Variants in RNF17 observed in about 807,000 individuals in gnomAD.
RNF17 encodes ring finger protein 17, also known as spermatogenesis associated 23.
RNF17 carries 31 observed loss-of-function variants against 200.5 expected under a neutral mutation model. That is an observed-to-expected ratio of 0.15 (90% CI 0.12 to 0.21). The LOEUF (loss-of-function observed/expected upper bound fraction) is 0.21. Among genes scored for constraint, RNF17 ranks in the 10% least tolerant of loss-of-function variants. The pLI, the probability that RNF17 is intolerant of heterozygous loss-of-function variation, is 1.00. For synonymous variants in RNF17, 606 were observed against 637.8 expected (o/e 0.95, Z 0.75); for missense variants, 1,628 against 1,905.1 (o/e 0.85, Z 2.71).
chr13:24,827,657 C>CAG (rs1888840578), intron 16 of RNF17, among the ~76,000 whole-genome samples: 1 of 133,980 alleles, frequency 7.5e-6, no homozygotes, highest in African/African-American at 2.9e-5. Context: ...AGCCGAGATC[C>CAG]CGCCACTGCA....
intron 9 of RNF17, among the ~76,000 whole-genome samples, chr13:24,792,142 C>G (rs1011053203): frequency 6.6e-6 from 1 of 152,180 alleles, no homozygotes; most frequent in African/African-American, 2.4e-5. Flanking sequence ...ATTTTCACAA[C>G]TTGAATATGG....
chr13:24,874,583 T>G (rs1468127034), intron 33 of RNF17, among the ~76,000 whole-genome samples: 9 of 152,076 alleles, frequency 5.9e-5, no homozygotes, highest in Non-Finnish European at 7.4e-5. Context: ...TAATTTTTTT[T>G]GTATTTTTAG....
At chr13:24,779,577 T>C (rs1399973797) in intron 4 of RNF17, 90 bp from the exon 5 acceptor site, 8 of 944,228 alleles carry the variant, frequency 8.5e-6, no homozygotes, top group Non-Finnish European at 1.3e-5. Context: ...ACCAAAACGG[T>C]AGCCTGAATT....
At chr13:24,767,875 G>A (rs914985698) in intron 2 of RNF17, among the ~76,000 whole-genome samples, 3 of 152,018 alleles carry the variant, frequency 2.0e-5, no homozygotes, top group African/African-American at 7.2e-5. Flanking sequence ...AAAATAAAAG[G>A]CGCTAAAGTC....
At chr13:24,784,429 T>A (rs1019802639) in intron 6 of RNF17, among the ~76,000 whole-genome samples, 1 of 152,218 alleles carries the variant, frequency 6.6e-6, no homozygotes, top group Non-Finnish European at 1.5e-5. Context: ...GTGTTGATTA[T>A]TACATGTTTG....
At chr13:24,759,035 G>A in the RNF17 span, among the ~76,000 whole-genome samples, 105 of 141,766 alleles carry the variant, frequency 7.4e-4, no homozygotes, top group Non-Finnish European at 1.2e-3. Context: ...AACTGAGATC[G>A]TGCCACTGCA....
intron 12 of RNF17, among the ~76,000 whole-genome samples, chr13:24,800,004 A>G (rs1367329534): frequency 1.3e-5 from 2 of 152,188 alleles, no homozygotes; most frequent in Non-Finnish European, 2.9e-5. Flanking sequence ...GGAAAATAAT[A>G]CAAACTGATA....
chr13:24,840,425 G>A (rs889843738), intron 18 of RNF17, among the ~76,000 whole-genome samples: 1 of 152,118 alleles, frequency 6.6e-6, no homozygotes, highest in African/African-American at 2.4e-5. Flanking sequence ...ACTTGCACAC[G>A]CATGTTTATA....
At chr13:24,839,718 T>C (rs1421699845) in intron 18 of RNF17, among the ~76,000 whole-genome samples, 2 of 152,204 alleles carry the variant, frequency 1.3e-5, no homozygotes, top group African/African-American at 2.4e-5. Flanking sequence ...TCTTACCTTA[T>C]ACAAAAATCA....
the RNF17 span, among the ~76,000 whole-genome samples, chr13:24,750,262 TTTTG>T: frequency 6.6e-6 from 1 of 152,210 alleles, no homozygotes; most frequent in South Asian, 2.1e-4. Context: ...TAACATTCCT[TTTTG>T]TTTGTTTGGT....
chr13:24,851,567 A>G lies in RNF17; in HGVS notation c.3316A>G (p.Arg1106Gly). ...LIKKGLALRERRINNLDNSHS... is the reference protein window; with the variant it reads ...LIKKGLALREGRINNLDNSHS... ...TAAAAAGGGTTTGGCTTTGAGAGAA[A>G]GGAGGTATAGACTTTTTTAAAAAAT... The change falls in exon 24 of 36, where the codon AGG becomes GGG. Residue 1106 changes from arginine to glycine, a missense_variant. By Grantham distance (125) the Arg-to-Gly change is moderately radical. Around this residue, in one of 5 missense-constraint regions of RNF17, gnomAD observed 609 missense variants for 681.9 expected, o/e 0.89. Transcript: ENST00000255324. The G allele has an allele frequency of 6.2e-7, 1 of 1,603,642 alleles. No individual in the cohort carries two copies. The highest frequency in any genetic ancestry group is 8.5e-7 in the Non-Finnish European group (1 of 1,174,654).
At chr13:24,872,987 C>A (rs1894459261) in intron 32 of RNF17, among the ~76,000 whole-genome samples, 1 of 151,996 alleles carries the variant, frequency 6.6e-6, no homozygotes, top group Non-Finnish European at 1.5e-5. Context: ...ACTGAAGAAG[C>A]CTGTACATTG....
chr13:24,886,184 T>A, the RNF17 span: 1 of 574,424 alleles, frequency 1.7e-6, no homozygotes, highest in Non-Finnish European at 3.0e-6. Context: ...TACACTGAAG[T>A]GCCAGTATTT....
At chr13:24,857,849 G>A (rs532984535) in intron 25 of RNF17, among the ~76,000 whole-genome samples, 42 of 152,270 alleles carry the variant, frequency 2.8e-4, no homozygotes, top group African/African-American at 9.6e-4. Flanking sequence ...AGTGAGCTGC[G>A]TTCATGCCAC....
At chr13:24,763,574 CGGAAGTTACTG>C (rs903214408), upstream of RNF17, among the ~76,000 whole-genome samples, 3 of 151,910 alleles carry the variant, frequency 2.0e-5, no homozygotes, top group African/African-American at 7.3e-5. Context: ...CTTATTTTGG[CGGAAGTTACTG>C]GGTTTTTTTA....
Position 24,800,400 on chromosome 13 carries a change from G to A in RNF17, c.1624G>A (p.Ala542Thr), listed in dbSNP as rs34134354. 6.2e-7 allele frequency: 1 copy of A among 1,610,806 alleles called. No individual in the cohort carries two copies. The highest frequency in any genetic ancestry group is 8.5e-7 in the Non-Finnish European group (1 of 1,177,996). ...VDTHVRPEHS[A>T]KQHIALNDLC... is the part of the protein sequence containing the mutation. Reference sequence around the variant, plus strand: ...TACCCATGTGAGACCAGAACACTCTGCTAAGCAACATATTGCACTAAATGA... The same window carrying A: ...TACCCATGTGAGACCAGAACACTCTACTAAGCAACATATTGCACTAAATGA... Residue 542 changes from alanine (A) to threonine (T), a missense_variant, in exon 13 of 36, where the codon GCT (alanine) becomes ACT (threonine). Transcript: ENST00000255324.
intron 8 of RNF17, 117 bp from the exon 9 acceptor site, chr13:24,789,581 A>G (rs1272393447): frequency 1.1e-6 from 1 of 920,348 alleles, no homozygotes; most frequent in East Asian, 2.4e-5. Context: ...GTGCTAACTT[A>G]GAAAGTTATT....
intron 25 of RNF17, among the ~76,000 whole-genome samples, chr13:24,858,094 A>G (rs2863941): frequency 0.98 from 149,567 of 152,224 alleles, 73,517 homozygotes; most frequent in Middle Eastern, 1. Flanking sequence ...TCTAGCACTC[A>G]TAGGGCTTAG....
chr13:24,868,771 C>T (rs1893949538), intron 31 of RNF17, 55 bp downstream of exon 31: 1 of 950,512 alleles, frequency 1.1e-6, no homozygotes, highest in East Asian at 2.4e-5. Context: ...CTGTCTTGGT[C>T]TTAAACACTA....
Sources: allele counts gnomAD v4.1 joint callset (sites outside exome capture counted in the v4.1 genomes callset), GRCh38; gene constraint gnomAD v4.1.1; regional missense constraint gnomAD v4.1.1; transcripts MANE v1.5; gene names NCBI Gene and HGNC (gene_info 2026-07-23, HGNC 2026-07-21).